Variants in MANBA observed in about 807,000 individuals in gnomAD.
MANBA encodes the protein mannosidase beta, also known as beta-mannosidase.
Under a neutral mutation model 111.1 loss-of-function variants are expected in MANBA, and 83 were observed. That is an observed-to-expected ratio of 0.75 (90% CI 0.63 to 0.90). The LOEUF (loss-of-function observed/expected upper bound fraction) is 0.90, where lower values mean the gene tolerates loss of function less well. Ranked by LOEUF, MANBA falls within the 40% of genes least tolerant of loss-of-function variation. The probability of loss-of-function intolerance (pLI) is 0.00; values close to 1 mark genes in which losing one functional copy is unlikely to be tolerated. For synonymous variants in MANBA, 370 were observed against 378.7 expected (o/e 0.98, Z 0.27); for missense variants, 1,036 against 1,069.0 (o/e 0.97, Z 0.43).
At chr4:102,724,102 A>G (rs1722692704) in intron 2 of MANBA, 135 bp from the exon 3 acceptor site, 2 of 644,050 alleles carry the variant, frequency 3.1e-6, no homozygotes, top group Admixed American at 2.8e-5. Flanking sequence ...GTTTCCAGTG[A>G]CATTTTCAGA....
At chr4:102,760,681 G>T in intron 1 of MANBA, 37 bp downstream of exon 1, 3 of 1,503,470 alleles carry the variant, frequency 2.0e-6, no homozygotes, top group Non-Finnish European at 2.7e-6. Context: ...AGAAGAAGGC[G>T]GGCGCAGGCT....
At chr4:102,681,080 T>A (rs11097790) in intron 7 of MANBA, among the ~76,000 whole-genome samples, 1 of 151,896 alleles carries the variant, frequency 6.6e-6, no homozygotes, top group Non-Finnish European at 1.5e-5. Context: ...AGCGGGAGGG[T>A]TGCTTGAGGA....
At chr4:102,650,293 G>C (rs780009981) in intron 13 of MANBA, among the ~76,000 whole-genome samples, 6 of 152,194 alleles carry the variant, frequency 3.9e-5, no homozygotes, top group African/African-American at 7.2e-5. Context: ...TCTTGAAGTA[G>C]AGAATATTTT....
At chr4:102,633,746 G>C (rs1257371831) in intron 16 of MANBA, among the ~76,000 whole-genome samples, 1 of 150,796 alleles carries the variant, frequency 6.6e-6, no homozygotes, top group African/African-American at 2.4e-5. Context: ...CATAAGTTTA[G>C]AGACTGAAAA....
intron 5 of MANBA, among the ~76,000 whole-genome samples, chr4:102,702,295 T>C (rs1733092150): frequency 6.6e-6 from 1 of 151,870 alleles, no homozygotes; most frequent in African/African-American, 2.4e-5. Context: ...CTTCTTTGCC[T>C]TTGGTTTGAA....
chr4:102,684,369 C>A (rs921803483), intron 7 of MANBA, among the ~76,000 whole-genome samples: 27 of 152,164 alleles, frequency 1.8e-4, no homozygotes, highest in African/African-American at 6.3e-4. Context: ...CTAGGCAAGT[C>A]TCATATAACC....
chr4:102,632,205 T>C lies in MANBA; in HGVS notation c.2492A>G (p.Asp831Gly), dbSNP rs759495723. 1 of 1,613,018 alleles carries C rather than the reference T, an allele frequency of 6.2e-7. No individual in the cohort carries two copies. Among genetic ancestry groups the C allele is most frequent in the Non-Finnish European group, 8.5e-7 (1 of 1,179,570 alleles). Residue 831 changes from aspartate (D) to glycine (G), a missense_variant, in exon 17 of 17, where the codon GAT (aspartate) becomes GGT (glycine). Coordinates refer to ENST00000647097, the MANE Select transcript of MANBA (RefSeq NM_005908.4). The part of the protein sequence containing the change: ...TSAVAPFVWL[D>G]VGSIPGRFSD... Reference sequence around the variant, plus strand: ...AAATCTCCCTGGGATGCTTCCTACATCCAACCAAACAAAGGGAGCGACAGC... The same window carrying C: ...AAATCTCCCTGGGATGCTTCCTACACCCAACCAAACAAAGGGAGCGACAGC...
intron 1 of MANBA, chr4:102,729,437 GCA>G: frequency 8.0e-7 from 1 of 1,255,388 alleles, no homozygotes; most frequent in Admixed American, 1.7e-5. Context: ...TCCATGGGCA[GCA>G]CCACAGATGT....
chr4:102,654,386 T>C (rs1730468580), intron 12 of MANBA, among the ~76,000 whole-genome samples: 1 of 152,208 alleles, frequency 6.6e-6, no homozygotes, highest in South Asian at 2.1e-4. Flanking sequence ...ATATACAATT[T>C]TTCGTTAATT....
chr4:102,731,102 C>T (rs754030135), intron 1 of MANBA, among the ~76,000 whole-genome samples: 2 of 152,044 alleles, frequency 1.3e-5, no homozygotes, highest in African/African-American at 2.4e-5. Context: ...ACCCCCTGGT[C>T]TCCTTTGTTC....
At chr4:102,691,699 G>C (rs958492498) in intron 5 of MANBA, among the ~76,000 whole-genome samples, 1 of 151,936 alleles carries the variant, frequency 6.6e-6, no homozygotes, top group Non-Finnish European at 1.5e-5. Flanking sequence ...GTAAAGATGA[G>C]GTCTCACTTT....
At chr4:102,693,020 T>C (rs1732553492) in intron 5 of MANBA, among the ~76,000 whole-genome samples, 1 of 152,226 alleles carries the variant, frequency 6.6e-6, no homozygotes, top group Non-Finnish European at 1.5e-5. Context: ...ATAGATTTGA[T>C]GCACATTGAA....
rs191347867 is a variant in MANBA, at chr4:102,660,184, C to T, written c.1486-2284G>A. On this transcript the variant is annotated intron_variant, in intron 11 of 16. Transcript: ENST00000647097. ...TGACTATGCTCCCTTTCTTGCTGAA[C>T]GGTACCCAGATTGGAGTCATCTTCA... Among the ~76,000 whole-genome samples, 8 of 152,248 alleles carry T rather than the reference C, an allele frequency of 5.3e-5. No individual in the cohort carries two copies. The South Asian group carries it at 8.3e-4, about 16-fold the overall frequency.
At chr4:102,750,496 A>C (rs908659802) in intron 1 of MANBA, among the ~76,000 whole-genome samples, 4 of 152,184 alleles carry the variant, frequency 2.6e-5, no homozygotes, top group African/African-American at 9.7e-5. Flanking sequence ...GAAACACATC[A>C]AAAATATTTC....
intron 5 of MANBA, among the ~76,000 whole-genome samples, chr4:102,698,509 A>C (rs1732849454): frequency 6.8e-6 from 1 of 146,754 alleles, no homozygotes; most frequent in African/African-American, 2.6e-5. Context: ...TTAAGTCTTT[A>C]ATCCATCTTG....
At chr4:102,757,768 T>C (rs1724083547) in intron 1 of MANBA, among the ~76,000 whole-genome samples, 1 of 152,138 alleles carries the variant, frequency 6.6e-6, no homozygotes, top group Non-Finnish European at 1.5e-5. Flanking sequence ...AAAAGGCAAA[T>C]CTAATCATGC....
intron 5 of MANBA, among the ~76,000 whole-genome samples, chr4:102,702,691 A>C (rs924236815): frequency 6.6e-6 from 1 of 152,184 alleles, no homozygotes; most frequent in Non-Finnish European, 1.5e-5. Flanking sequence ...ATATATACAT[A>C]TATATAAGTA....
In MANBA at chr4:102,639,800, C is replaced by T. The variant is rs1167564128; in HGVS notation, c.1927G>A (p.Glu643Lys). ...ETEFYRRSRS[E>K]IVDQQGHTMG... ...GTGTGCCCTTGCTGATCCACTATCTCGCTGCGACTACGGCGGTAGAATTCA... is the reference window on the plus strand; with the variant it reads ...GTGTGCCCTTGCTGATCCACTATCTTGCTGCGACTACGGCGGTAGAATTCA... Residue 643 changes from glutamate to lysine, a missense_variant, in exon 14 of 17, where the codon GAG (glutamate) becomes AAG (lysine). Glu to Lys is a moderately conservative substitution (Grantham distance 56). Coordinates refer to ENST00000647097, the MANE Select transcript of MANBA (RefSeq NM_005908.4). 6.2e-6 allele frequency: 10 copies of T among 1,613,982 alleles called. No individual in the cohort carries two copies. Among genetic ancestry groups the T allele is most frequent in the Non-Finnish European group, 8.5e-6 (10 of 1,180,012 alleles).
chr4:102,648,834 T>C (rs914374511), intron 13 of MANBA, among the ~76,000 whole-genome samples: 2 of 152,174 alleles, frequency 1.3e-5, no homozygotes, highest in Non-Finnish European at 2.9e-5. Context: ...CAGATCAAGA[T>C]AGAAAACAGA....
Sources: gnomAD v4.1 joint callset for allele counts (sites outside exome capture counted in the v4.1 genomes callset) on GRCh38, gnomAD v4.1.1 for gene constraint, MANE v1.5 for transcripts, NCBI Gene and HGNC (gene_info 2026-07-23, HGNC 2026-07-21) for gene names.